SPATA6: variants seen among roughly 807,000 people sequenced by gnomAD.
The protein encoded by SPATA6 is spermatogenesis associated 6.
Under a neutral mutation model 65.3 loss-of-function variants are expected in SPATA6, and 56 were observed. That is an observed-to-expected ratio of 0.86 (90% CI 0.69 to 1.07). The LOEUF is 1.07. Among genes scored for constraint, SPATA6 ranks in the 50% least tolerant of loss-of-function variants. SPATA6 has a pLI of 0.00. For synonymous variants in SPATA6, 199 were observed against 213.2 expected, an observed-to-expected ratio of 0.93 and a Z score of 0.58; for missense variants, 590 against 594.8, an observed-to-expected ratio of 0.99 and a Z score of 0.08.
chr1:48,262,449 T>C, the SPATA6 span: 5 of 152,156 alleles, frequency 3.3e-5, no homozygotes, highest in African/African-American at 1.2e-4. Flanking sequence ...CACTTGCACA[T>C]TGCGTAAGTA....
chr1:48,463,456 T>G (rs558974625), intron 1 of SPATA6, among the ~76,000 whole-genome samples: 1 of 152,118 alleles, frequency 6.6e-6, no homozygotes, highest in Non-Finnish European at 1.5e-5. Flanking sequence ...GTAGAAATCA[T>G]AATAAAAATT....
intron 11 of SPATA6, among the ~76,000 whole-genome samples, chr1:48,344,052 A>G (rs1457902009): frequency 6.6e-6 from 1 of 152,176 alleles, no homozygotes; most frequent in African/African-American, 2.4e-5. Flanking sequence ...AGAAAGGAAC[A>G]GACTGACTAC....
intron 8 of SPATA6, among the ~76,000 whole-genome samples, chr1:48,387,342 C>G (rs753993166): frequency 7.2e-5 from 11 of 152,128 alleles, no homozygotes; most frequent in Non-Finnish European, 1.5e-4. Flanking sequence ...GACTGCAGCA[C>G]AAACGAGATG....
intron 8 of SPATA6, among the ~76,000 whole-genome samples, chr1:48,389,079 A>C (rs1649790074): frequency 1.3e-5 from 2 of 152,042 alleles, no homozygotes; most frequent in Non-Finnish European, 2.9e-5. Context: ...TCCTGGCCTC[A>C]AGTGATCTGC....
At chr1:48,409,380 T>C (rs1183170668) in intron 5 of SPATA6, among the ~76,000 whole-genome samples, 1 of 152,230 alleles carries the variant, frequency 6.6e-6, no homozygotes, top group Non-Finnish European at 1.5e-5. Flanking sequence ...TTGCAGGGTA[T>C]AGCCTCCCTA....
intron 3 of SPATA6, among the ~76,000 whole-genome samples, chr1:48,424,235 G>A (rs1653629399): frequency 6.6e-6 from 1 of 152,160 alleles, no homozygotes; most frequent in Non-Finnish European, 1.5e-5. Context: ...CTACAAATAA[G>A]TGAGAACATG....
chr1:48,443,500 A>G (rs1655716592), intron 3 of SPATA6, among the ~76,000 whole-genome samples: 1 of 152,204 alleles, frequency 6.6e-6, no homozygotes, highest in Non-Finnish European at 1.5e-5. Context: ...ACAGTTTGCA[A>G]GAAATAACAA....
chr1:48,450,501 A>G (rs369163488), intron 3 of SPATA6, among the ~76,000 whole-genome samples: 11 of 152,094 alleles, frequency 7.2e-5, no homozygotes, highest in African/African-American at 1.9e-4. Context: ...GTGTATCTTC[A>G]TTTTTTTCTA....
At chr1:48,266,611 A>G in the SPATA6 span, among the ~76,000 whole-genome samples, 4 of 152,250 alleles carry the variant, frequency 2.6e-5, no homozygotes, top group African/African-American at 7.2e-5. Flanking sequence ...TTGGTAGACA[A>G]AAATTCACTA....
At chr1:48,420,817 T>C (rs930677136) in intron 3 of SPATA6, among the ~76,000 whole-genome samples, 1 of 151,992 alleles carries the variant, frequency 6.6e-6, no homozygotes, top group Non-Finnish European at 1.5e-5. Flanking sequence ...TAAAATAAGA[T>C]GTAGAAAGAA....
At chr1:48,365,498 T>G (rs1646973241) in intron 9 of SPATA6, among the ~76,000 whole-genome samples, 1 of 152,230 alleles carries the variant, frequency 6.6e-6, no homozygotes, top group Non-Finnish European at 1.5e-5. Flanking sequence ...ATAGTTCTCC[T>G]TGAAGAGGTC....
At chr1:48,444,049 G>A (rs12723441) in intron 3 of SPATA6, among the ~76,000 whole-genome samples, 37,266 of 152,002 alleles carry the variant, frequency 0.25, 4,782 homozygotes, top group Admixed American at 0.3. Flanking sequence ...AGCAGTCATC[G>A]CCCAATTCCC....
chr1:48,346,528 C>T (rs1646370933), intron 11 of SPATA6, among the ~76,000 whole-genome samples: 1 of 151,920 alleles, frequency 6.6e-6, no homozygotes, highest in South Asian at 2.1e-4. Flanking sequence ...TCAAATCATC[C>T]CTGTTTGCAG....
intron 11 of SPATA6, among the ~76,000 whole-genome samples, chr1:48,312,471 C>A (rs902604184): frequency 6.6e-6 from 1 of 152,166 alleles, no homozygotes; most frequent in Non-Finnish European, 1.5e-5. Context: ...TTCCAACAGA[C>A]CTGCAGCTGA....
At chr1:48,450,396 C>T (rs927576309) in intron 3 of SPATA6, among the ~76,000 whole-genome samples, 1 of 149,188 alleles carries the variant, frequency 6.7e-6, no homozygotes, top group African/African-American at 2.5e-5. Context: ...AAAATAATAA[C>T]CACTAAGTAC....
chr1:48,444,866 G>T (rs2148125323), intron 3 of SPATA6, among the ~76,000 whole-genome samples: 1 of 152,274 alleles, frequency 6.6e-6, no homozygotes, highest in South Asian at 2.1e-4. Flanking sequence ...CACAAGGACT[G>T]TCAGAATCAT....
At chr1:48,414,483 C>T (rs1652570231) in intron 3 of SPATA6, among the ~76,000 whole-genome samples, 1 of 152,156 alleles carries the variant, frequency 6.6e-6, no homozygotes, top group Admixed American at 6.5e-5. Context: ...AACCCAACTC[C>T]AGCTCCCTCT....
At chr1:48,401,643 A>G (rs773451343) in intron 6 of SPATA6, among the ~76,000 whole-genome samples, 5 of 152,130 alleles carry the variant, frequency 3.3e-5, no homozygotes, top group Non-Finnish European at 7.4e-5. Flanking sequence ...TGATGGGACT[A>G]TCTCATCCCA....
intron 3 of SPATA6, among the ~76,000 whole-genome samples, chr1:48,431,416 C>G (rs183153240): frequency 1.3e-5 from 2 of 152,044 alleles, no homozygotes; most frequent in Non-Finnish European, 2.9e-5. Context: ...CACAATAAAC[C>G]AAATAGCTCT....
Sources: gnomAD v4.1 joint callset for allele counts (sites outside exome capture counted in the v4.1 genomes callset) on GRCh38, gnomAD v4.1.1 for gene constraint, MANE v1.5 for transcripts, NCBI Gene and HGNC (gene_info 2026-07-23, HGNC 2026-07-21) for gene names.